DMTF1: variants seen among roughly 807,000 people sequenced by gnomAD.
The protein encoded by DMTF1 is cyclin D binding myb like transcription factor 1.
A neutral mutation model predicts 91.1 loss-of-function variants in DMTF1; 39 were observed. The observed-to-expected ratio is 0.43, with a 90% CI of 0.33 to 0.56. The LOEUF (loss-of-function observed/expected upper bound fraction) is 0.56. DMTF1 is among the 20% of genes least tolerant of loss of function. The pLI, the probability that DMTF1 is intolerant of heterozygous loss-of-function variation, is 0.05. For synonymous variants in DMTF1, 338 were observed against 309.5 expected, an observed-to-expected ratio of 1.09 and a Z score of -0.97; for missense variants, 750 against 914.5, an observed-to-expected ratio of 0.82 and a Z score of 2.32.
intron 11 of DMTF1, among the ~76,000 whole-genome samples, chr7:87,185,314 A>G (rs1020158980): frequency 1.3e-4 from 20 of 152,130 alleles, no homozygotes; most frequent in African/African-American, 4.3e-4. Context: ...ATTTTTTTAA[A>G]CCTCAAATTT....
chr7:87,187,954 T>A (rs1798836346), intron 12 of DMTF1, 138 bp from the exon 13 acceptor site: 1 of 617,932 alleles, frequency 1.6e-6, no homozygotes, highest in Admixed American at 3.0e-5. Flanking sequence ...AATATCTTAT[T>A]TTTATAAGCT....
intron 1 of DMTF1, among the ~76,000 whole-genome samples, chr7:87,158,460 T>C (rs1309517776): frequency 6.6e-6 from 1 of 152,044 alleles, no homozygotes; most frequent in Non-Finnish European, 1.5e-5. Flanking sequence ...AAAAACTTCA[T>C]TGAGATTGTT....
intron 4 of DMTF1, among the ~76,000 whole-genome samples, chr7:87,170,681 T>C (rs1794864696): frequency 6.6e-6 from 1 of 152,212 alleles, no homozygotes; most frequent in Non-Finnish European, 1.5e-5. Flanking sequence ...GTTAGGTTTT[T>C]TCTCACTACT....
chr7:87,166,268 G>C (rs1793804096), intron 3 of DMTF1, among the ~76,000 whole-genome samples: 2 of 152,186 alleles, frequency 1.3e-5, no homozygotes, highest in South Asian at 4.1e-4. Context: ...TCTCTTTCAA[G>C]TTTAAGACAC....
intron 14 of DMTF1, 130 bp downstream of exon 14, chr7:87,191,157 TCTA>T (rs147184170): frequency 0.051 from 30,795 of 601,538 alleles, 935 homozygotes; most frequent in Middle Eastern, 0.071. Flanking sequence ...AAATCAGACT[TCTA>T]CTTTTATAAT....
At chr7:87,161,402 T>C (rs1792351603) in intron 1 of DMTF1, among the ~76,000 whole-genome samples, 1 of 152,192 alleles carries the variant, frequency 6.6e-6, no homozygotes, top group Non-Finnish European at 1.5e-5. Context: ...CTCAGGAGGC[T>C]GAGGCAGGAG....
At chr7:87,164,054 T>TAAA (rs61634018) in intron 2 of DMTF1, among the ~76,000 whole-genome samples, 30 of 73,486 alleles carry the variant, frequency 4.1e-4, no homozygotes, top group Admixed American at 1.9e-3. Flanking sequence ...ACGCCTTCTC[T>TAAA]AAAAAAAAAA....
chr7:87,164,572 GAAGTT>G (rs767113847), intron 2 of DMTF1, among the ~76,000 whole-genome samples: 9 of 148,926 alleles, frequency 6.0e-5, no homozygotes, highest in Non-Finnish European at 1.2e-4. Context: ...TAAAGAAAAA[GAAGTT>G]AAGTACCTAC....
chr7:87,188,442 A>C, intron 13 of DMTF1, 141 bp downstream of exon 13: 5 of 842,380 alleles, frequency 5.9e-6, no homozygotes, highest in Non-Finnish European at 9.3e-6. Flanking sequence ...TATTTTGTTT[A>C]GTTCAGTTAA....
intron 4 of DMTF1, among the ~76,000 whole-genome samples, chr7:87,170,119 T>A: frequency 6.6e-6 from 1 of 152,176 alleles, no homozygotes. Flanking sequence ...TAGTTTTGAT[T>A]TTTTTTAAAA....
intron 1 of DMTF1, among the ~76,000 whole-genome samples, chr7:87,158,704 A>G (rs957617538): frequency 1.3e-5 from 2 of 152,086 alleles, no homozygotes; most frequent in Admixed American, 6.5e-5. Flanking sequence ...ACACATTTAA[A>G]TTTTAGGTAA....
At chr7:87,165,220 C>A (rs1260099230) in intron 3 of DMTF1, among the ~76,000 whole-genome samples, 170 bp downstream of exon 3, 1 of 152,050 alleles carries the variant, frequency 6.6e-6, no homozygotes, top group Non-Finnish European at 1.5e-5. Flanking sequence ...AATCTTGTTG[C>A]TATGTTATAA....
At chr7:87,155,975 A>G (rs554404004) in intron 1 of DMTF1, among the ~76,000 whole-genome samples, 1 of 152,298 alleles carries the variant, frequency 6.6e-6, no homozygotes, top group African/African-American at 2.4e-5. Context: ...AGAAATGCTC[A>G]TTAGGTTTAT....
At chr7:87,153,947 A>T (rs4140847) in intron 1 of DMTF1, among the ~76,000 whole-genome samples, 128,279 of 152,174 alleles carry the variant, frequency 0.84, 54,312 homozygotes, top group Middle Eastern at 0.96. Context: ...TGGTTTTGAA[A>T]TTATATTTCA....
At chr7:87,152,650 C>T (rs1299809209) in intron 1 of DMTF1, 95 bp downstream of exon 1, 2 of 152,886 alleles carry the variant, frequency 1.3e-5, no homozygotes, top group East Asian at 1.9e-4. Context: ...TAGCTCCCGC[C>T]GGCTGGCGCA....
At chr7:87,188,435 TTTG>T in intron 13 of DMTF1, 134 bp downstream of exon 13, 10 of 896,396 alleles carry the variant, frequency 1.1e-5, no homozygotes, top group East Asian at 2.5e-5. Context: ...TCTAAGATAT[TTTG>T]TTTAGTTCAG....
At chr7:87,158,015 A>G (rs560126128) in intron 1 of DMTF1, among the ~76,000 whole-genome samples, 1 of 152,192 alleles carries the variant, frequency 6.6e-6, no homozygotes, top group Non-Finnish European at 1.5e-5. Flanking sequence ...ATAATTCTCA[A>G]TGTATTTTCC....
At chr7:87,163,140 G>A (rs943571861) in intron 1 of DMTF1, 3 of 151,284 alleles carry the variant, frequency 2.0e-5, no homozygotes, top group Admixed American at 2.0e-4. Context: ...TTATGGTGCT[G>A]TATTGATTGA....
chr7:87,156,530 C>T (rs549502272), intron 1 of DMTF1, among the ~76,000 whole-genome samples: 3 of 152,212 alleles, frequency 2.0e-5, no homozygotes, highest in Admixed American at 2.0e-4. Flanking sequence ...AGGAACAAAT[C>T]CCACGGGGCC....
Sources: allele counts gnomAD v4.1 joint callset (sites outside exome capture counted in the v4.1 genomes callset), GRCh38; gene constraint gnomAD v4.1.1; transcripts MANE v1.5; gene names NCBI Gene and HGNC (gene_info 2026-07-23, HGNC 2026-07-21).